Variants in SNX24 observed in about 807,000 individuals in gnomAD.
SNX24 encodes sorting nexin 24.
SNX24 carries 22 observed loss-of-function variants against 28.7 expected under a neutral mutation model. The observed-to-expected ratio is 0.77, with a 90% confidence interval of 0.55 to 1.10. The LOEUF is 1.10. Among genes scored for constraint, SNX24 ranks in the 50% least tolerant of loss-of-function variants. SNX24 has a pLI of 0.00. For missense variants in SNX24, 221 were observed against 201.1 expected (o/e 1.10, Z -0.60); for synonymous variants, 69 against 71.5 (o/e 0.96, Z 0.18).
At chr5:122,889,109 T>A (rs1384768301) in intron 1 of SNX24, among the ~76,000 whole-genome samples, 1 of 152,170 alleles carries the variant, frequency 6.6e-6, no homozygotes, top group Non-Finnish European at 1.5e-5. Context: ...CGCCTTGGCC[T>A]CCCAAAGTTC....
At chr5:122,966,438 C>T (rs1264659944) in intron 3 of SNX24, among the ~76,000 whole-genome samples, 9 of 152,190 alleles carry the variant, frequency 5.9e-5, no homozygotes, top group East Asian at 1.9e-4. Context: ...GTTGCAATTA[C>T]TCCACTCTGC....
chr5:122,921,352 A>G (rs1037956095), intron 1 of SNX24, among the ~76,000 whole-genome samples: 1 of 152,192 alleles, frequency 6.6e-6, no homozygotes, highest in Admixed American at 6.5e-5. Context: ...TTGGTCACCT[A>G]GAGAGCAAAT....
At chr5:122,879,365 C>T (rs866156583) in intron 1 of SNX24, among the ~76,000 whole-genome samples, 2 of 152,192 alleles carry the variant, frequency 1.3e-5, no homozygotes, top group African/African-American at 2.4e-5. Context: ...GAGCTGAAAT[C>T]GCAAACTTTA....
At chr5:122,963,339 T>C (rs1265256428) in intron 3 of SNX24, among the ~76,000 whole-genome samples, 1 of 152,192 alleles carries the variant, frequency 6.6e-6, no homozygotes, top group Non-Finnish European at 1.5e-5. Flanking sequence ...TGTGGGGTGA[T>C]GTTGCACAGA....
chr5:122,899,193 G>A (rs1159782433), intron 1 of SNX24, among the ~76,000 whole-genome samples: 2 of 152,214 alleles, frequency 1.3e-5, no homozygotes, highest in African/African-American at 4.8e-5. Flanking sequence ...ACCTGGCTGC[G>A]AGTCGTGGTG....
chr5:122,855,368 G>A (rs558067099), intron 1 of SNX24, among the ~76,000 whole-genome samples: 78 of 152,174 alleles, frequency 5.1e-4, no homozygotes, highest in Admixed American at 9.2e-4. Context: ...ACGCCCAGCC[G>A]ACTGTGCCAA....
intron 1 of SNX24, among the ~76,000 whole-genome samples, chr5:122,882,110 C>G (rs1756506333): frequency 6.6e-6 from 1 of 151,960 alleles, no homozygotes; most frequent in Non-Finnish European, 1.5e-5. Flanking sequence ...GCCACCATGC[C>G]CAACTAATTT....
At chr5:122,920,725 G>A (rs1758395754) in intron 1 of SNX24, among the ~76,000 whole-genome samples, 2 of 152,066 alleles carry the variant, frequency 1.3e-5, no homozygotes, top group South Asian at 2.1e-4. Flanking sequence ...TGTCAAAGAG[G>A]GATCTGGAAC....
At chr5:122,853,576 A>G (rs1345008660) in intron 1 of SNX24, 1 of 266,660 alleles carries the variant, frequency 3.8e-6, no homozygotes, top group East Asian at 9.7e-5. Flanking sequence ...ATTTGGGGGC[A>G]CAAGCAAGCT....
chr5:122,901,603 C>T (rs1183365557), intron 1 of SNX24, among the ~76,000 whole-genome samples: 2 of 152,198 alleles, frequency 1.3e-5, no homozygotes, highest in African/African-American at 4.8e-5. Flanking sequence ...TTCCATATGC[C>T]TGCTCCCATT....
At chr5:122,895,202 GT>G (rs1425251438) in intron 1 of SNX24, among the ~76,000 whole-genome samples, 1 of 151,542 alleles carries the variant, frequency 6.6e-6, no homozygotes, top group Non-Finnish European at 1.5e-5. Context: ...ATATATATTT[GT>G]ATTAATAATA....
At chr5:123,012,405 C>T (rs1581865458), downstream of SNX24, among the ~76,000 whole-genome samples, 1 of 152,152 alleles carries the variant, frequency 6.6e-6, no homozygotes, top group Middle Eastern at 3.4e-3. Context: ...AAGCCAGTCA[C>T]AAAAAAGCAA....
chr5:122,943,523 G>C (rs246306), intron 2 of SNX24, among the ~76,000 whole-genome samples: 117,098 of 152,150 alleles, frequency 0.77, 45,940 homozygotes, highest in East Asian at 0.99. Flanking sequence ...TCCATCTCAC[G>C]TGAGGCTCGG....
At chr5:122,904,295 G>A (rs1310990885) in intron 1 of SNX24, among the ~76,000 whole-genome samples, 1 of 151,914 alleles carries the variant, frequency 6.6e-6, no homozygotes, top group Non-Finnish European at 1.5e-5. Flanking sequence ...GGATTCTCCT[G>A]TCTCAGCCTC....
At chr5:122,954,983 T>G (rs1760141053) in intron 3 of SNX24, among the ~76,000 whole-genome samples, 1 of 152,084 alleles carries the variant, frequency 6.6e-6, no homozygotes, top group South Asian at 2.1e-4. Flanking sequence ...CTCCTCTTAT[T>G]CCAGGCCTCT....
intron 1 of SNX24, among the ~76,000 whole-genome samples, chr5:122,920,041 C>T (rs1488274845): frequency 6.6e-6 from 1 of 152,128 alleles, no homozygotes; most frequent in Non-Finnish European, 1.5e-5. Flanking sequence ...TGTGTCTCTC[C>T]AAGGCAAGAG....
chr5:122,855,175 A>G (rs1054875661), intron 1 of SNX24, among the ~76,000 whole-genome samples: 3 of 151,780 alleles, frequency 2.0e-5, no homozygotes, highest in South Asian at 2.1e-4. Context: ...GGGTTCCACA[A>G]TTTCTCCTGC....
At chr5:122,952,083 A>G (rs1024543463) in intron 3 of SNX24, among the ~76,000 whole-genome samples, 6 of 152,382 alleles carry the variant, frequency 3.9e-5, no homozygotes, top group Non-Finnish European at 7.3e-5. Context: ...AGCTATGTGT[A>G]TATGATATAT....
At chr5:122,849,767 C>G (rs1162727835) in intron 1 of SNX24, among the ~76,000 whole-genome samples, 3 of 152,114 alleles carry the variant, frequency 2.0e-5, no homozygotes, top group Non-Finnish European at 1.5e-5. Flanking sequence ...CCAAGTATCC[C>G]CAAGCTATAA....
Sources: allele counts gnomAD v4.1 joint callset (sites outside exome capture counted in the v4.1 genomes callset), GRCh38; gene constraint gnomAD v4.1.1; transcripts MANE v1.5; gene names NCBI Gene and HGNC (gene_info 2026-07-23, HGNC 2026-07-21).